Variants in DYNC2I1 observed in about 807,000 individuals in gnomAD.
DYNC2I1 encodes dynein 2 intermediate chain 1, also known as cytoplasmic dynein 2 intermediate chain 1.
A neutral mutation model predicts 133.4 loss-of-function variants in DYNC2I1; 89 were observed. That is an observed-to-expected ratio of 0.67 (90% CI 0.56 to 0.80). The LOEUF (loss-of-function observed/expected upper bound fraction) is 0.80, where lower values mean the gene tolerates loss of function less well. DYNC2I1 is among the 30% of genes least tolerant of loss of function. The pLI, the probability that DYNC2I1 is intolerant of heterozygous loss-of-function variation, is 0.00. For synonymous variants in DYNC2I1, 504 were observed against 484.3 expected (o/e 1.04, Z -0.54); for missense variants, 1,291 against 1,314.5 (o/e 0.98, Z 0.28).
At chr7:158,904,836 C>T in intron 10 of DYNC2I1, 1 of 223,526 alleles carries the variant, frequency 4.5e-6, no homozygotes, top group Non-Finnish European at 8.9e-6. Context: ...AGGCATCCTC[C>T]AGAGCCACAC....
intron 21 of DYNC2I1, among the ~76,000 whole-genome samples, chr7:158,932,964 C>A (rs1850376647): frequency 6.6e-6 from 1 of 152,152 alleles, no homozygotes; most frequent in Admixed American, 6.5e-5. Context: ...GGGAGCAGCC[C>A]AGTGTGTTCC....
intron 8 of DYNC2I1, among the ~76,000 whole-genome samples, chr7:158,899,068 C>T (rs1023241169): frequency 6.6e-6 from 1 of 152,152 alleles, no homozygotes; most frequent in Non-Finnish European, 1.5e-5. Context: ...ATACTAAAAT[C>T]TGCAAACGCT....
downstream of DYNC2I1, among the ~76,000 whole-genome samples, chr7:158,949,239 G>GAGTCACACAT (rs531002385): frequency 1.3e-5 from 2 of 152,244 alleles, no homozygotes; most frequent in Non-Finnish European, 2.9e-5. Flanking sequence ...TGAAGATACA[G>GAGTCACACAT]AGTCACACAT....
At chr7:158,872,482 A>C (rs1842973361) in intron 3 of DYNC2I1, among the ~76,000 whole-genome samples, 3 of 151,862 alleles carry the variant, frequency 2.0e-5, no homozygotes, top group South Asian at 4.2e-4. Context: ...AAAATACAAA[A>C]AATTAAGCCA....
At chr7:158,870,861 G>A (rs1399108335) in intron 2 of DYNC2I1, among the ~76,000 whole-genome samples, 1 of 152,100 alleles carries the variant, frequency 6.6e-6, no homozygotes, top group Non-Finnish European at 1.5e-5. Flanking sequence ...AATACACGTA[G>A]TATTTTAGAT....
the DYNC2I1 span, among the ~76,000 whole-genome samples, chr7:158,850,742 A>G: frequency 3.3e-5 from 5 of 152,204 alleles, no homozygotes; most frequent in Admixed American, 3.3e-4. Context: ...TTGCTTTGGA[A>G]TGTTAACTGA....
At chr7:158,860,885 G>A (rs183522015) in intron 1 of DYNC2I1, among the ~76,000 whole-genome samples, 241 of 152,340 alleles carry the variant, frequency 1.6e-3, no homozygotes, top group African/African-American at 5.5e-3. Flanking sequence ...AAGGCTGAAT[G>A]TTTTAGAGTA....
intron 1 of DYNC2I1, among the ~76,000 whole-genome samples, chr7:158,865,673 C>G (rs1341654222): frequency 6.6e-6 from 1 of 152,200 alleles, no homozygotes; most frequent in Non-Finnish European, 1.5e-5. Context: ...GTTTGTTCCA[C>G]TCCTGGGAGT....
In DYNC2I1 at chr7:158,930,590, C is replaced by T. The variant is rs1254662241; in HGVS notation, c.2546+75C>T. ...AAATAACATTGGGGAATTGCATATA[C>T]GGTAAATGGTGAGCTTTTGCGATGA... On this transcript the variant is annotated intron_variant, in intron 21 of 24. Coordinates refer to ENST00000407559, the MANE Select transcript of DYNC2I1 (RefSeq NM_018051.5). 19 of 1,235,558 alleles carry T rather than the reference C, an allele frequency of 1.5e-5. No homozygotes were observed. In the African/African-American group the frequency reaches 1.8e-4, roughly 12 times the overall value. The allele number at this position is 1,235,558 out of a possible 1,614,324, so 76.5% of individuals were successfully genotyped here.
chr7:158,945,521 G>A lies in DYNC2I1; in HGVS notation c.3003-60G>A. ...GGAAGGTAGACATTTTGAAGACTCA[G>A]ACAGAACCGAATGTCCCTTTGTGTG... On this transcript the variant is annotated intron_variant, in intron 24 of 24. Coordinates refer to ENST00000407559, the MANE Select transcript of DYNC2I1 (RefSeq NM_018051.5). This position sits in a 1 kb window ranked among gnomAD's most constrained non-coding sequence, Gnocchi z 4.1. 6.6e-7 allele frequency: 1 copy of A among 1,514,446 alleles called. No individual in the cohort carries two copies. 93.8% of individuals were successfully genotyped at this position (1,514,446 alleles called of 1,614,324 possible).
rs1415602548 is a variant in DYNC2I1 at position 158,923,581 on chromosome 7, G to C, written c.2105G>C (p.Cys702Ser). 2 of 1,613,850 alleles carry C rather than the reference G, an allele frequency of 1.2e-6. No individual in the cohort carries two copies. Among genetic ancestry groups the C allele is most frequent in the African/African-American group, 2.7e-5 (2 of 74,918 alleles). Residue 702 changes from cysteine (C) to serine (S), a missense_variant, in exon 17 of 25, where the codon TGC becomes TCC. By Grantham distance (112) the Cys-to-Ser change is moderately radical (BLOSUM62 -1). Coordinates refer to ENST00000407559, the MANE Select transcript of DYNC2I1 (RefSeq NM_018051.5). The part of the protein sequence containing the change: ...VLICESQVTC[C>S]CLSPLKAFLL... ...GCCTTTGTCTTTTAGGTCACGTGTT[G>C]CTGCTTGAGCCCTTTGAAAGCATTT...
intron 19 of DYNC2I1, 91 bp downstream of exon 19, chr7:158,926,554 A>C (rs866201032): frequency 7.1e-7 from 1 of 1,401,728 alleles, no homozygotes. Flanking sequence ...GGCGGGACCC[A>C]GTTAGCTGTG....
At chr7:158,928,353 A>C (rs1213458746) in intron 20 of DYNC2I1, among the ~76,000 whole-genome samples, 2 of 152,012 alleles carry the variant, frequency 1.3e-5, no homozygotes, top group African/African-American at 2.4e-5. Flanking sequence ...TGCTTGAATC[A>C]GGGGTGTTTT....
the DYNC2I1 span, among the ~76,000 whole-genome samples, chr7:158,850,707 G>A: frequency 4.2e-4 from 64 of 152,120 alleles, 1 homozygote; most frequent in Admixed American, 2.6e-4. Context: ...ATGACTACTG[G>A]GACTTTGGAC....
downstream of DYNC2I1, among the ~76,000 whole-genome samples, chr7:158,946,953 C>G (rs1366498646): frequency 6.6e-6 from 1 of 152,240 alleles, no homozygotes; most frequent in Non-Finnish European, 1.5e-5. Context: ...AGACACAGCC[C>G]CCTCCCCAAC....
Position 158,945,626 on chromosome 7 carries a change from C to T in DYNC2I1, c.3048C>T (p.Gly1016=). The T allele has an allele frequency of 6.2e-7, 1 of 1,610,956 alleles. No individual in the cohort carries two copies. The highest frequency in any genetic ancestry group is 8.5e-7 in the Non-Finnish European group (1 of 1,178,860). Residue 1016 remains glycine (G), a synonymous_variant, in exon 25 of 25, where the codon GGC becomes GGT. Transcript: ENST00000407559. The surrounding 1 kb of genome is among the most constrained non-coding windows in gnomAD (Gnocchi z 4.1). ...TGGGTGAGCCTGAGAAGGCTGGTGG[C>T]AGCTTCCTGGCCCTGGTGCTGGCCA... is the stretch of plus-strand genomic sequence containing the variant. The part of the protein sequence containing the change: ...AAVGEPEKAG[G]SFLALVLARA...
Position 158,934,612 on chromosome 7 carries a change from G to T in DYNC2I1, c.2778+63G>T, listed in dbSNP as rs2657332. On this transcript the variant is annotated intron_variant, in intron 23 of 24. Transcript: ENST00000407559. ...TTTTTGTTTTTTGAGACAGGGTCTT[G>T]CTCTGTCACCCAAGCTGGAGTGCAG... 0.5 allele frequency: 741,754 copies of T among 1,495,938 alleles called. 186,817 individuals carry two copies. Among genetic ancestry groups the T allele is most frequent in the Non-Finnish European group, 0.51 (569,218 of 1,109,322 alleles). 92.7% of individuals were successfully genotyped at this position (1,495,938 alleles called of 1,614,324 possible).
At chr7:158,934,587 T>A in intron 23 of DYNC2I1, 38 bp downstream of exon 23, 1 of 1,541,292 alleles carries the variant, frequency 6.5e-7, no homozygotes, top group East Asian at 2.5e-5. Context: ...AATTCTTCTT[T>A]TTTTGTTTTT....
chr7:158,860,698 A>C (rs1251803247), intron 1 of DYNC2I1, among the ~76,000 whole-genome samples: 1 of 152,238 alleles, frequency 6.6e-6, no homozygotes, highest in Non-Finnish European at 1.5e-5. Flanking sequence ...ATTGATAGGT[A>C]ATGTGTGAGT....
Sources: allele counts gnomAD v4.1 joint callset (sites outside exome capture counted in the v4.1 genomes callset), GRCh38; gene constraint gnomAD v4.1.1; non-coding constraint Gnocchi (gnomAD v3.1); transcripts MANE v1.5; gene names NCBI Gene and HGNC (gene_info 2026-07-23, HGNC 2026-07-21).